Variants in SOX5 observed in about 807,000 individuals in gnomAD.
SOX5 encodes transcription factor SOX-5.
SOX5 carries 9 observed loss-of-function variants against 92.0 expected under a neutral mutation model. The ratio of observed to expected loss-of-function variants is 0.10; its 90% CI spans 0.06 to 0.17. SOX5 has a LOEUF of 0.17. Ranked by LOEUF, SOX5 falls within the 10% of genes least tolerant of loss-of-function variation. The probability of loss-of-function intolerance (pLI) is 1.00; values close to 1 mark genes in which losing one functional copy is unlikely to be tolerated. For missense variants in SOX5, 642 were observed against 944.5 expected (o/e 0.68, Z 4.20); for synonymous variants, 344 against 336.3 (o/e 1.02, Z -0.25).
intron 1 of SOX5, among the ~76,000 whole-genome samples, chr12:23,940,681 T>C: frequency 6.6e-6 from 1 of 150,768 alleles, no homozygotes; most frequent in Non-Finnish European, 1.5e-5. Flanking sequence ...TCAATGAAGA[T>C]ACTGGCAAAT....
At chr12:23,618,589 G>A (rs1226914564) in intron 8 of SOX5, among the ~76,000 whole-genome samples, 2 of 152,114 alleles carry the variant, frequency 1.3e-5, no homozygotes, top group Non-Finnish European at 1.5e-5. Flanking sequence ...CAAGAACCAC[G>A]ATTTTCTCCA....
At chr12:24,527,305 T>G (rs576620551) in intron 1 of SOX5, among the ~76,000 whole-genome samples, 1 of 152,320 alleles carries the variant, frequency 6.6e-6, no homozygotes, top group Admixed American at 6.5e-5. Flanking sequence ...TTGAGGTCAG[T>G]GTCTCTCTGT....
chr12:23,889,784 T>A (rs1411708335), intron 2 of SOX5, among the ~76,000 whole-genome samples: 1 of 152,182 alleles, frequency 6.6e-6, no homozygotes, highest in African/African-American at 2.4e-5. Flanking sequence ...ATCATTAGTG[T>A]ATGTGTAATG....
chr12:24,383,536 C>G (rs1958046063), intron 1 of SOX5, among the ~76,000 whole-genome samples: 1 of 152,122 alleles, frequency 6.6e-6, no homozygotes, highest in African/African-American at 2.4e-5. Context: ...ATAAAATTTT[C>G]CTGCTGTCCC....
At chr12:24,551,244 AT>A (rs1360144659) in intron 1 of SOX5, among the ~76,000 whole-genome samples, 1 of 152,228 alleles carries the variant, frequency 6.6e-6, no homozygotes, top group African/African-American at 2.4e-5. Context: ...CCAAATACTT[AT>A]TAAATAGCTA....
intron 6 of SOX5, among the ~76,000 whole-genome samples, chr12:23,694,392 C>T (rs1593351799): frequency 1.3e-5 from 2 of 152,066 alleles, no homozygotes; most frequent in African/African-American, 4.8e-5. Context: ...TAGAACTTGT[C>T]TATCTTCTGC....
At chr12:24,002,064 G>A (rs1951663257) in intron 4 of SOX5, among the ~76,000 whole-genome samples, 1 of 152,050 alleles carries the variant, frequency 6.6e-6, no homozygotes, top group Non-Finnish European at 1.5e-5. Flanking sequence ...GTAGTGCTTT[G>A]GGAAAATATA....
At chr12:23,785,962 T>C (rs2141866084) in intron 3 of SOX5, among the ~76,000 whole-genome samples, 1 of 152,166 alleles carries the variant, frequency 6.6e-6, no homozygotes, top group Non-Finnish European at 1.5e-5. Context: ...TGGGCCAGAA[T>C]TTACAAACAG....
chr12:23,980,915 A>T (rs1949515065), intron 4 of SOX5, among the ~76,000 whole-genome samples: 1 of 152,122 alleles, frequency 6.6e-6, no homozygotes, highest in Non-Finnish European at 1.5e-5. Flanking sequence ...GTAATATAGA[A>T]GATCTGGGAG....
Position 23,762,622 on chromosome 12 carries a change from A to AT in SOX5, c.482-6899_482-6898insA. ...CCTGTTAATACAAAAAGAAAAAAAA[A>AT]AAAGTCTTTGGCTGACTCAAGTTTT... On this transcript the variant is annotated intron_variant, in intron 3 of 14. Coordinates refer to ENST00000451604, the MANE Select transcript of SOX5 (RefSeq NM_006940.6). 5.5e-6 allele frequency: 3 copies of AT among 541,322 alleles called. No individual in the cohort carries two copies. The South Asian group carries it at 8.0e-5, about 14-fold the overall frequency. The allele number at this position is 541,322 out of a possible 1,614,324, so 33.5% of individuals were successfully genotyped here.
In SOX5 at chr12:23,531,218, G is replaced by A. The variant is rs1056582682; in HGVS notation, c.*3001C>T. 2 of 152,044 alleles carry A rather than the reference G, an allele frequency of 1.3e-5. No homozygotes were observed. The highest frequency in any genetic ancestry group is 4.8e-5 in the African/African-American group (2 of 41,386). 9.4% of individuals were successfully genotyped at this position (152,044 alleles called of 1,614,324 possible). ...TCAGAACAAGAGAACAGAATGCAGCGGTATGAACTTGCTTTTTGTTTCGGT... is the reference window on the plus strand; with the variant it reads ...TCAGAACAAGAGAACAGAATGCAGCAGTATGAACTTGCTTTTTGTTTCGGT... On this transcript the variant is annotated 3_prime_UTR_variant, in exon 15 of 15. Transcript: ENST00000451604.
chr12:23,779,134 G>A (rs1319154781), intron 3 of SOX5, among the ~76,000 whole-genome samples: 1 of 152,040 alleles, frequency 6.6e-6, no homozygotes, highest in Non-Finnish European at 1.5e-5. Flanking sequence ...TAAGTATTAT[G>A]TCCCTAAATA....
At chr12:24,097,968 TCTACA>T (rs1309296599) in intron 4 of SOX5, among the ~76,000 whole-genome samples, 1 of 152,190 alleles carries the variant, frequency 6.6e-6, no homozygotes, top group Non-Finnish European at 1.5e-5. Context: ...GTTCTGAGAA[TCTACA>T]CTATTCTATG....
intron 6 of SOX5, among the ~76,000 whole-genome samples, chr12:23,702,945 A>G: frequency 6.6e-6 from 1 of 152,080 alleles, no homozygotes; most frequent in East Asian, 1.9e-4. Flanking sequence ...TATAATCTGC[A>G]ATTGTCCATG....
At chr12:23,774,916 A>T (rs535156668) in intron 3 of SOX5, among the ~76,000 whole-genome samples, 161 of 152,336 alleles carry the variant, frequency 1.1e-3, no homozygotes, top group African/African-American at 3.8e-3. Context: ...ACTTTAAAGA[A>T]AGATTTTTTT....
intron 4 of SOX5, among the ~76,000 whole-genome samples, chr12:24,081,575 G>A (rs547317963): frequency 3.4e-4 from 52 of 151,622 alleles, no homozygotes; most frequent in African/African-American, 1.1e-3. Context: ...TTTTTCCTCC[G>A]TAGGACCTTT....
chr12:24,043,824 T>C (rs1391943813), intron 4 of SOX5, among the ~76,000 whole-genome samples: 1 of 152,208 alleles, frequency 6.6e-6, no homozygotes, highest in East Asian at 1.9e-4. Flanking sequence ...AAGAACAATA[T>C]ATAATTTTTA....
At chr12:24,062,838 T>C (rs1939993943) in intron 4 of SOX5, among the ~76,000 whole-genome samples, 1 of 152,188 alleles carries the variant, frequency 6.6e-6, no homozygotes, top group Non-Finnish European at 1.5e-5. Flanking sequence ...TTATTTTGTG[T>C]CTCATATTCT....
At chr12:23,916,535 G>T (rs2138633124) in intron 1 of SOX5, among the ~76,000 whole-genome samples, 1 of 152,294 alleles carries the variant, frequency 6.6e-6, no homozygotes, top group Admixed American at 6.5e-5. Flanking sequence ...AATAAGCACT[G>T]CTGTGGGTGT....
Sources: gnomAD v4.1 joint callset for allele counts (sites outside exome capture counted in the v4.1 genomes callset) on GRCh38, gnomAD v4.1.1 for gene constraint, MANE v1.5 for transcripts, NCBI Gene and HGNC (gene_info 2026-07-23, HGNC 2026-07-21) for gene names.